The following ESRRB variants were observed in gnomAD, a reference collection of about 807,000 sequenced individuals.
The protein encoded by ESRRB is estrogen related receptor beta, also known as steroid hormone receptor ERR2.
In ESRRB, 16 loss-of-function variants were observed where a neutral mutation model predicts 46.0. The ratio of observed to expected loss-of-function variants is 0.35; its 90% CI spans 0.24 to 0.53. ESRRB has a LOEUF of 0.53. Ranked by LOEUF, ESRRB falls within the 20% of genes least tolerant of loss-of-function variation. The pLI is 0.93. For synonymous variants in ESRRB, 246 were observed against 259.6 expected, an observed-to-expected ratio of 0.95 and a Z score of 0.50; for missense variants, 488 against 607.4, an observed-to-expected ratio of 0.80 and a Z score of 2.07.
chr14:76,484,628 C>T (rs1038265088), intron 5 of ESRRB, among the ~76,000 whole-genome samples: 3 of 152,306 alleles, frequency 2.0e-5, no homozygotes, highest in African/African-American at 7.2e-5. Context: ...TGCAACACCA[C>T]GGAGGAAGTA....
At chr14:76,426,031 G>A (rs1018896720) in intron 1 of ESRRB, among the ~76,000 whole-genome samples, 2 of 152,236 alleles carry the variant, frequency 1.3e-5, no homozygotes, top group African/African-American at 4.8e-5. Flanking sequence ...TAGGGGGGAT[G>A]ACACTTGTCA....
chr14:76,413,304 C>A (rs996385464), intron 1 of ESRRB, among the ~76,000 whole-genome samples: 2 of 152,196 alleles, frequency 1.3e-5, no homozygotes, highest in East Asian at 1.9e-4. Context: ...TCCTGACAGA[C>A]CCCCACCTGG....
chr14:76,499,274 A>C lies in ESRRB; in HGVS notation c.*816A>C. The C allele has an allele frequency of 4.1e-6, 1 of 243,054 alleles. No homozygotes were observed. The highest frequency in any genetic ancestry group is 8.1e-6 in the Non-Finnish European group (1 of 123,200). The allele number at this position is 243,054 out of a possible 1,614,324, so 15.1% of individuals were successfully genotyped here. On this transcript the variant is annotated 3_prime_UTR_variant, in exon 7 of 7. Transcript: ENST00000644823. The stretch of plus-strand genomic sequence containing the variant: ...CGCGCTGGCACAGAGAAGAGCGGGG[A>C]CCACACCATCCTCCCAAGAACCCTC...
intron 1 of ESRRB, among the ~76,000 whole-genome samples, chr14:76,345,547 A>T (rs957327539): frequency 2.0e-5 from 3 of 152,314 alleles, no homozygotes; most frequent in South Asian, 2.1e-4. Flanking sequence ...AAAACAGTAG[A>T]TGTTGGCATG....
At chr14:76,397,441 G>A (rs558313587) in intron 1 of ESRRB, among the ~76,000 whole-genome samples, 8 of 152,352 alleles carry the variant, frequency 5.3e-5, no homozygotes, top group Admixed American at 2.6e-4. Context: ...CAGCCAAAGC[G>A]CCAGGTACCC....
At chr14:76,371,095 G>T (rs1202518819), upstream of ESRRB, among the ~76,000 whole-genome samples, 3 of 152,310 alleles carry the variant, frequency 2.0e-5, no homozygotes, top group African/African-American at 7.2e-5. Context: ...CGTGGCAGCA[G>T]TGCTAATAGG....
chr14:76,395,059 C>T (rs1885617958), intron 1 of ESRRB, among the ~76,000 whole-genome samples: 1 of 152,166 alleles, frequency 6.6e-6, no homozygotes, highest in South Asian at 2.1e-4. Flanking sequence ...TCCCTGTAGG[C>T]TCTTCTTTGC....
rs12891393 is a variant in ESRRB at position 76,491,728 on chromosome 14, G to T, written c.1120+12G>T. On this transcript the variant is annotated intron_variant, in intron 6 of 6. Transcript: ENST00000644823. ...CCTCGCCAACTCCGGTAAGGGCGGC[G>T]GCGGGGCCTGGAAGGGGAGCTTCTA... The T allele has an allele frequency of 6.4e-6, 10 of 1,564,470 alleles. No homozygotes were observed. The highest frequency in any genetic ancestry group is 1.9e-5 in the Admixed American group (1 of 51,572).
intron 5 of ESRRB, among the ~76,000 whole-genome samples, chr14:76,490,033 A>G (rs541790069): frequency 1.8e-4 from 27 of 152,304 alleles, no homozygotes; most frequent in Admixed American, 1.6e-3. Flanking sequence ...AGCACCCCAC[A>G]TCAGAAAGTG....
chr14:76,482,894 C>A lies in ESRRB; in HGVS notation c.850+135C>A. ...CTGTGAAATCCTGGCAGGCCTGTTT[C>A]TCTGAGCTCCTCTTCTCTCCTTGTA... On this transcript the variant is annotated intron_variant, in intron 5 of 6. Transcript: ENST00000644823. The surrounding 1 kb of genome is among the most constrained non-coding windows in gnomAD (Gnocchi z 4.3). 1.0e-6 allele frequency: 1 copy of A among 976,974 alleles called. No individual in the cohort carries two copies. The highest frequency in any genetic ancestry group is 1.6e-6 in the Non-Finnish European group (1 of 631,292). 60.5% of individuals were successfully genotyped at this position (976,974 alleles called of 1,614,324 possible).
chr14:76,409,991 A>AG (rs921256417), intron 1 of ESRRB, among the ~76,000 whole-genome samples: 3 of 152,114 alleles, frequency 2.0e-5, no homozygotes, highest in Non-Finnish European at 2.9e-5. Context: ...TGAGAGGCTG[A>AG]GGGGGGTGGA....
chr14:76,466,222 G>C (rs1416753448), intron 3 of ESRRB, among the ~76,000 whole-genome samples: 2 of 152,310 alleles, frequency 1.3e-5, no homozygotes, highest in East Asian at 3.9e-4. Flanking sequence ...TGCAGACGGA[G>C]AGATGTGGGT....
chr14:76,383,742 G>C lies in ESRRB; in HGVS notation c.50+7291G>C, dbSNP rs79373680. On this transcript the variant is annotated intron_variant, in intron 1 of 6. Coordinates refer to ENST00000644823, the MANE Select transcript of ESRRB (RefSeq NM_001379180.1). ...CAGAGGTGCTGAGCATGATTAGTTG[G>C]GTAAAGTCCCAAAGCAGAATGCCTA... Among the ~76,000 whole-genome samples the C allele has an allele frequency of 2.0e-5, 3 of 152,148 alleles. No individual in the cohort carries two copies. The East Asian group carries it at 5.8e-4, about 29-fold the overall frequency.
rs1210268066 is a variant in ESRRB at position 76,485,665 on chromosome 14, A to AAG, written c.850+2923_850+2924dup. Among the ~76,000 whole-genome samples, 100 of 132,746 alleles carry AAG rather than the reference A, an allele frequency of 7.5e-4. 1 individual carries two copies. The East Asian group carries it at 0.023, about 30-fold the overall frequency. 87.1% of individuals were successfully genotyped at this position (132,746 alleles called of 152,430 possible). ...AGAGAGAGAGAGAGAGAGAGAAAGAAAGAGAGAGAGAGAGAGAGCTGGTTG... is the reference window on the plus strand; with the variant it reads ...AGAGAGAGAGAGAGAGAGAGAAAGAAAGAGAGAGAGAGAGAGAGAGCTGGTTG... On this transcript the variant is annotated intron_variant, in intron 5 of 6. Coordinates refer to ENST00000644823, the MANE Select transcript of ESRRB (RefSeq NM_001379180.1).
At chr14:76,434,655 G>A (rs1458338378) in intron 1 of ESRRB, among the ~76,000 whole-genome samples, 1 of 134,614 alleles carries the variant, frequency 7.4e-6, no homozygotes, top group African/African-American at 3.0e-5. Context: ...GCCAGACTCT[G>A]TCTCAAAAAA....
chr14:76,335,366 G>A (rs1449930282), intron 1 of ESRRB, among the ~76,000 whole-genome samples: 1 of 152,196 alleles, frequency 6.6e-6, no homozygotes, highest in Non-Finnish European at 1.5e-5. Context: ...AGTCTGGTGG[G>A]GAAGGCAAAC....
intron 1 of ESRRB, among the ~76,000 whole-genome samples, chr14:76,409,765 G>C (rs1886353707): frequency 6.6e-6 from 1 of 152,084 alleles, no homozygotes; most frequent in Non-Finnish European, 1.5e-5. Flanking sequence ...GGCTCCTTTG[G>C]GGAGAGGGTT....
At chr14:76,445,331 T>A (rs1888088575) in intron 2 of ESRRB, among the ~76,000 whole-genome samples, 3 of 150,440 alleles carry the variant, frequency 2.0e-5, no homozygotes, top group Non-Finnish European at 4.4e-5. Flanking sequence ...ATTAGCTGGG[T>A]GTGGTGGCGC....
chr14:76,455,957 C>T (rs573541594), intron 2 of ESRRB, among the ~76,000 whole-genome samples: 139 of 151,468 alleles, frequency 9.2e-4, no homozygotes, highest in Non-Finnish European at 1.7e-3. Context: ...GTAGGAGAAT[C>T]GCTTGAACCC....
Sources: allele counts gnomAD v4.1 joint callset (sites outside exome capture counted in the v4.1 genomes callset), GRCh38; gene constraint gnomAD v4.1.1; non-coding constraint Gnocchi (gnomAD v3.1); transcripts MANE v1.5; gene names NCBI Gene and HGNC (gene_info 2026-07-23, HGNC 2026-07-21).